The following ILF2 variants were observed in gnomAD, a reference collection of about 807,000 sequenced individuals.
The protein encoded by ILF2 is interleukin enhancer-binding factor 2.
A neutral mutation model predicts 55.3 loss-of-function variants in ILF2; 9 were observed. The ratio of observed to expected loss-of-function variants is 0.16; its 90% CI spans 0.10 to 0.28. The LOEUF (loss-of-function observed/expected upper bound fraction) is 0.28. Among genes scored for constraint, ILF2 ranks in the 10% least tolerant of loss-of-function variants. The pLI is 1.00. For synonymous variants in ILF2, 151 were observed against 161.8 expected, an observed-to-expected ratio of 0.93 and a Z score of 0.50; for missense variants, 266 against 474.9, an observed-to-expected ratio of 0.56 and a Z score of 4.09.
intron 8 of ILF2, 23 bp from the exon 9 acceptor site, chr1:153,664,497 C>G: frequency 1.3e-6 from 2 of 1,575,988 alleles, no homozygotes; most frequent in Middle Eastern, 1.7e-4. Flanking sequence ...GCATGATATG[C>G]CAGGATGAAA....
At chr1:153,665,462 A>G in intron 7 of ILF2, 126 bp from the exon 8 acceptor site, 1 of 775,420 alleles carries the variant, frequency 1.3e-6, no homozygotes, top group Non-Finnish European at 2.2e-6. Context: ...AGAATTTAGA[A>G]TACAGAGCTT....
At chr1:153,664,233 C>A in intron 9 of ILF2, 103 bp from the exon 10 acceptor site, 1 of 958,096 alleles carries the variant, frequency 1.0e-6, no homozygotes, top group Non-Finnish European at 1.6e-6. Context: ...ACTATACATT[C>A]TCTGCTTTCT....
chr1:153,670,927 C>T lies in ILF2; in HGVS notation c.-5G>A, dbSNP rs1004051694. ...GCTTCGACCCACTTACCTCATGGCG[C>T]CTTAAAACACGAACAATGGAGGCCG... On this transcript the variant is annotated 5_prime_UTR_variant, in exon 1 of 14. Transcript: ENST00000361891. The T allele has an allele frequency of 6.2e-7, 1 of 1,614,230 alleles. No individual in the cohort carries two copies. The highest frequency in any genetic ancestry group is 1.7e-5 in the Admixed American group (1 of 60,028).
At position 153,670,208 on chromosome 1, in the gene ILF2, C is replaced by A; in HGVS notation, c.28G>T (p.Gly10Cys). 1 of 1,614,132 alleles carries A rather than the reference C, an allele frequency of 6.2e-7. No individual in the cohort carries two copies. Among genetic ancestry groups the A allele is most frequent in the Non-Finnish European group, 8.5e-7 (1 of 1,180,026 alleles). MRGDRGRGR[G>C]GRFGSRGGPG... ...CCTCCTCTGGAACCAAAGCGCCCAC[C>A]ACGACCACGGCCTCTGTCACCCCTA... is the stretch of plus-strand genomic sequence containing the variant. The change falls in exon 2 of 14, where the codon GGT becomes TGT. Residue 10 changes from glycine to cysteine, a missense_variant. By Grantham distance (159) the Gly-to-Cys change is radical. Transcript: ENST00000361891.
At chr1:153,665,475 G>T in intron 7 of ILF2, 139 bp from the exon 8 acceptor site, 1 of 758,774 alleles carries the variant, frequency 1.3e-6, no homozygotes, top group South Asian at 1.6e-5. Context: ...CAGAGCTTTA[G>T]AAGGGAGATC....
At chr1:153,665,842 G>T in intron 6 of ILF2, 114 bp from the exon 7 acceptor site, 1 of 771,746 alleles carries the variant, frequency 1.3e-6, no homozygotes, top group South Asian at 1.8e-5. Flanking sequence ...CTGAAGCAAG[G>T]GTAAGTAATA....
rs1273993254 is a variant in ILF2 at position 153,667,441 on chromosome 1, T to C, written c.394+114A>G. The C allele has an allele frequency of 1.0e-5, 8 of 769,572 alleles. No homozygotes were observed. In the Admixed American group the frequency reaches 1.4e-4, roughly 14 times the overall value. 47.7% of individuals were successfully genotyped at this position (769,572 alleles called of 1,614,324 possible). A position where few individuals can be genotyped will look rare whatever the true frequency, so the allele number is the denominator to read the frequency against. ...CTGCAGTGAGCTACAATGGTACCAC[T>C]GCACTCCAGCCTGGCCAACGGAGGG... On this transcript the variant is annotated intron_variant, in intron 6 of 13. Coordinates refer to ENST00000361891, the MANE Select transcript of ILF2 (RefSeq NM_004515.4).
At chr1:153,664,302 C>A in intron 9 of ILF2, 94 bp downstream of exon 9, 1 of 1,173,816 alleles carries the variant, frequency 8.5e-7, no homozygotes, top group Non-Finnish European at 1.3e-6. Context: ...AGGTCACAGG[C>A]AAAATAGTTC....
In ILF2 at chr1:153,667,991, A is replaced by G; in HGVS notation, c.291+9T>C. The stretch of plus-strand genomic sequence containing the variant: ...GCCCTTTCCTAAAACTAAATCATCA[A>G]AAACTCACCACTTCAAATGTCCCTG... On this transcript the variant is annotated intron_variant, in intron 5 of 13. Transcript: ENST00000361891. 6.3e-7 allele frequency: 1 copy of G among 1,597,836 alleles called. No individual in the cohort carries two copies. The highest frequency in any genetic ancestry group is 8.5e-7 in the Non-Finnish European group (1 of 1,171,352).
intron 13 of ILF2, 59 bp downstream of exon 13, chr1:153,662,646 G>A: frequency 5.1e-6 from 8 of 1,575,376 alleles, no homozygotes; most frequent in South Asian, 1.1e-5. Context: ...TTTAAGTAGT[G>A]TACAGCTTCT....
At chr1:153,668,217 T>TG in intron 4 of ILF2, 140 bp from the exon 5 acceptor site, 1 of 782,654 alleles carries the variant, frequency 1.3e-6, no homozygotes, top group Non-Finnish European at 2.0e-6. Flanking sequence ...ATTCTGGCCT[T>TG]GAATATATGG....
At chr1:153,669,357 A>G (rs1669388428) in intron 3 of ILF2, among the ~76,000 whole-genome samples, 1 of 152,246 alleles carries the variant, frequency 6.6e-6, no homozygotes. Flanking sequence ...GATTATAATC[A>G]TGTTTAATGC....
In ILF2 at chr1:153,664,032, TCTTTA is replaced by T. The variant is rs1426722198; in HGVS notation, c.744+6_744+10del. On this transcript the variant is annotated splice_donor_region_variant and intron_variant, in intron 10 of 13. Transcript: ENST00000361891. ...GATGATGAGGAACTCCAATTGCCCA[TCTTTA>T]CTTACTAGTAGGTCAAGGATCCAGG... The T allele has an allele frequency of 1.3e-6, 2 of 1,567,098 alleles. No homozygotes were observed. The highest frequency in any genetic ancestry group is 1.4e-5 in the African/African-American group (1 of 73,698).
intron 8 of ILF2, among the ~76,000 whole-genome samples, chr1:153,664,928 A>G (rs6427671): frequency 0.8 from 122,162 of 152,190 alleles, 49,987 homozygotes; most frequent in African/African-American, 0.95. Flanking sequence ...ATCACTAGAA[A>G]CATGCAAGAT....
chr1:153,669,788 AT>A, intron 3 of ILF2, 47 bp downstream of exon 3: 2 of 1,473,196 alleles, frequency 1.4e-6, no homozygotes, highest in Non-Finnish European at 1.9e-6. Context: ...ACTGGGCTCC[AT>A]TTCAACAGTG....
At chr1:153,662,949 G>A (rs3795396) in intron 12 of ILF2, 70 bp downstream of exon 12, 783,638 of 1,392,116 alleles carry the variant, frequency 0.56, 224,545 homozygotes, top group Admixed American at 0.74. Context: ...ACCATATTCC[G>A]CTTTGCCTGC....
chr1:153,668,979 C>T (rs1295654404), intron 3 of ILF2, among the ~76,000 whole-genome samples: 2 of 151,924 alleles, frequency 1.3e-5, no homozygotes, highest in Non-Finnish European at 2.9e-5. Flanking sequence ...CTGAGGTGGG[C>T]AGATCACTTG....
intron 1 of ILF2, among the ~76,000 whole-genome samples, 166 bp downstream of exon 1, chr1:153,670,752 C>G (rs1325621862): frequency 6.6e-6 from 1 of 152,172 alleles, no homozygotes; most frequent in Non-Finnish European, 1.5e-5. Flanking sequence ...AGTTTCCCCG[C>G]CTCTACCGGC....
Position 153,668,606 on chromosome 1 carries a change from A to G in ILF2, c.109-49T>C, listed in dbSNP as rs757407657. ...ATTCTATTTGCCGAAGATAATATAC[A>G]GGAGAGATTGTTTTTTCTATTACTA... On this transcript the variant is annotated intron_variant, in intron 3 of 13. Coordinates refer to ENST00000361891, the MANE Select transcript of ILF2 (RefSeq NM_004515.4). 2.7e-4 allele frequency: 418 copies of G among 1,546,112 alleles called. 1 individual carries two copies. In the East Asian group the frequency reaches 9.5e-3, roughly 35 times the overall value.
Sources: gnomAD v4.1 joint callset for allele counts (sites outside exome capture counted in the v4.1 genomes callset) on GRCh38, gnomAD v4.1.1 for gene constraint, MANE v1.5 for transcripts, NCBI Gene and HGNC (gene_info 2026-07-23, HGNC 2026-07-21) for gene names.